PCDH15: variants seen among roughly 807,000 people sequenced by gnomAD.
PCDH15 encodes protocadherin-15.
In PCDH15, 129 loss-of-function variants were observed where a neutral mutation model predicts 178.5. The ratio of observed to expected loss-of-function variants is 0.72; its 90% CI spans 0.63 to 0.84. The LOEUF (loss-of-function observed/expected upper bound fraction) is 0.84, where lower values mean the gene tolerates loss of function less well. Ranked by LOEUF, PCDH15 falls within the 40% of genes least tolerant of loss-of-function variation. The pLI is 0.00. For missense variants in PCDH15, 2,230 were observed against 2,099.9 expected (o/e 1.06, Z -1.21); for synonymous variants, 800 against 732.0 (o/e 1.09, Z -1.50).
chr10:54,177,437 A>G (rs1157010241), intron 13 of PCDH15, among the ~76,000 whole-genome samples: 1 of 152,056 alleles, frequency 6.6e-6, no homozygotes, highest in Non-Finnish European at 1.5e-5. Flanking sequence ...GATGATAACA[A>G]TGTGCGAATG....
intron 2 of PCDH15, among the ~76,000 whole-genome samples, chr10:55,461,706 GA>G (rs1839682820): frequency 6.6e-6 from 1 of 152,046 alleles, no homozygotes; most frequent in Admixed American, 6.6e-5. Context: ...GACACCATGG[GA>G]GGTAATGATA....
At chr10:54,170,033 C>A (rs967187772) in intron 13 of PCDH15, among the ~76,000 whole-genome samples, 1 of 146,994 alleles carries the variant, frequency 6.8e-6, no homozygotes. Flanking sequence ...TTCCTTTGCA[C>A]CCTTAATCCC....
chr10:55,432,080 T>TG (rs1295718545), intron 2 of PCDH15, among the ~76,000 whole-genome samples: 3 of 86,714 alleles, frequency 3.5e-5, no homozygotes, highest in African/African-American at 1.1e-4. Context: ...AGCTATCATT[T>TG]AAACACACAC....
At chr10:55,298,308 T>G (rs1326832057) in intron 1 of PCDH15, among the ~76,000 whole-genome samples, 1 of 152,240 alleles carries the variant, frequency 6.6e-6, no homozygotes, top group Non-Finnish European at 1.5e-5. Context: ...TACAAGATTT[T>G]AAATTTAGGA....
chr10:55,274,806 A>G (rs116022264), intron 1 of PCDH15, among the ~76,000 whole-genome samples: 1 of 152,156 alleles, frequency 6.6e-6, no homozygotes, highest in African/African-American at 2.4e-5. Flanking sequence ...CAGGCATTGT[A>G]TTCTCATAAG....
intron 13 of PCDH15, among the ~76,000 whole-genome samples, chr10:54,175,543 T>C (rs1293900154): frequency 6.6e-6 from 1 of 152,154 alleles, no homozygotes; most frequent in Non-Finnish European, 1.5e-5. Context: ...CATGTGATAG[T>C]AGTTTATATA....
intron 29 of PCDH15, among the ~76,000 whole-genome samples, chr10:53,833,026 A>T (rs1220560348): frequency 1.3e-5 from 2 of 152,030 alleles, no homozygotes; most frequent in African/African-American, 4.8e-5. Flanking sequence ...AAGAAAATAA[A>T]AATTTAGCCA....
chr10:54,545,088 T>C (rs2085695125), intron 2 of PCDH15, among the ~76,000 whole-genome samples: 1 of 152,086 alleles, frequency 6.6e-6, no homozygotes, highest in Non-Finnish European at 1.5e-5. Context: ...AAAATGCTAA[T>C]AAAAGTGGAG....
intron 1 of PCDH15, among the ~76,000 whole-genome samples, chr10:55,182,776 G>T (rs1839687499): frequency 6.6e-6 from 1 of 152,124 alleles, no homozygotes; most frequent in Middle Eastern, 3.4e-3. Flanking sequence ...TGGGAGGAAA[G>T]AAATGATGTA....
intron 2 of PCDH15, among the ~76,000 whole-genome samples, chr10:55,438,391 T>C (rs1839098489): frequency 1.3e-5 from 2 of 151,794 alleles, no homozygotes; most frequent in Non-Finnish European, 2.9e-5. Flanking sequence ...AGGAAATAAG[T>C]TAAAGTAGAA....
intron 8 of PCDH15, among the ~76,000 whole-genome samples, chr10:54,293,205 A>T (rs1053944487): frequency 6.6e-6 from 1 of 152,204 alleles, no homozygotes; most frequent in South Asian, 2.1e-4. Context: ...TGACAAAAAC[A>T]AGCAATGGGG....
intron 2 of PCDH15, among the ~76,000 whole-genome samples, chr10:55,392,408 A>G (rs1244372734): frequency 6.6e-6 from 1 of 152,178 alleles, no homozygotes; most frequent in East Asian, 1.9e-4. Flanking sequence ...AATTATTTTT[A>G]ACTAAAGTTC....
chr10:54,853,283 A>ATGTATG (rs1953662397), intron 3 of PCDH15, among the ~76,000 whole-genome samples: 1 of 75,112 alleles, frequency 1.3e-5, no homozygotes, highest in East Asian at 5.7e-4. Flanking sequence ...ATGTGTATGT[A>ATGTATG]TGTGTGTATA....
At chr10:54,781,692 T>C (rs1018158662) in intron 1 of PCDH15, among the ~76,000 whole-genome samples, 5 of 152,306 alleles carry the variant, frequency 3.3e-5, no homozygotes, top group African/African-American at 2.4e-5. Flanking sequence ...AACTGTAAGA[T>C]ATTAGTTCTC....
At chr10:55,463,677 T>C (rs918576894) in intron 2 of PCDH15, among the ~76,000 whole-genome samples, 1 of 151,862 alleles carries the variant, frequency 6.6e-6, no homozygotes, top group African/African-American at 2.4e-5. Flanking sequence ...TGCTACTAAA[T>C]GTATTGTACT....
intron 9 of PCDH15, among the ~76,000 whole-genome samples, chr10:54,222,083 C>T (rs2052892338): frequency 6.6e-6 from 1 of 152,158 alleles, no homozygotes; most frequent in Admixed American, 6.5e-5. Flanking sequence ...ACTTGAGTTG[C>T]CTCCAGCCAC....
intron 25 of PCDH15, among the ~76,000 whole-genome samples, chr10:53,925,337 T>C (rs181448755): frequency 6.6e-6 from 1 of 152,142 alleles, no homozygotes; most frequent in East Asian, 1.9e-4. Flanking sequence ...GCTGTAACGC[T>C]TACCGCGAAG....
chr10:54,984,926 C>A (rs965684132), intron 2 of PCDH15, among the ~76,000 whole-genome samples: 1 of 152,124 alleles, frequency 6.6e-6, no homozygotes, highest in African/African-American at 2.4e-5. Flanking sequence ...TCACATGAAA[C>A]TTTGATTAAG....
intron 1 of PCDH15, among the ~76,000 whole-genome samples, chr10:54,734,222 C>T (rs1025348814): frequency 1.3e-4 from 19 of 151,776 alleles, no homozygotes; most frequent in Middle Eastern, 3.4e-3. Context: ...AATTATGACA[C>T]GATAATAAGG....
Sources: gnomAD v4.1 joint callset for allele counts (sites outside exome capture counted in the v4.1 genomes callset) on GRCh38, gnomAD v4.1.1 for gene constraint, MANE v1.5 for transcripts, NCBI Gene and HGNC (gene_info 2026-07-23, HGNC 2026-07-21) for gene names.